EIF3E: variants seen among roughly 807,000 people sequenced by gnomAD.
The protein encoded by EIF3E is eukaryotic translation initiation factor 3 subunit E, also known as eIF-3 p48.
EIF3E carries 25 observed loss-of-function variants against 59.3 expected under a neutral mutation model. The ratio of observed to expected loss-of-function variants is 0.42; its 90% confidence interval spans 0.31 to 0.59. The LOEUF (loss-of-function observed/expected upper bound fraction) is 0.59. EIF3E is among the 20% of genes least tolerant of loss of function. EIF3E has a pLI of 0.15. For synonymous variants in EIF3E, 176 were observed against 170.2 expected (o/e 1.03, Z -0.26); for missense variants, 317 against 534.3 (o/e 0.59, Z 4.01).
intron 5 of EIF3E, among the ~76,000 whole-genome samples, chr8:108,230,481 A>G (rs1478216588): frequency 6.6e-6 from 1 of 152,136 alleles, no homozygotes; most frequent in Non-Finnish European, 1.5e-5. Context: ...ACGTAAATTT[A>G]TATTTATCTA....
chr8:108,222,339 C>CCA, intron 7 of EIF3E, among the ~76,000 whole-genome samples: 1 of 152,264 alleles, frequency 6.6e-6, no homozygotes, highest in East Asian at 1.9e-4. Flanking sequence ...GCTACCATGC[C>CCA]CAGCCAGACT....
At chr8:108,240,441 T>TTAATTTTC in intron 2 of EIF3E, among the ~76,000 whole-genome samples, 1 of 152,360 alleles carries the variant, frequency 6.6e-6, no homozygotes. Context: ...TTGTTCTCAT[T>TTAATTTTC]TAATTTTCTT....
intron 5 of EIF3E, chr8:108,231,752 T>C (rs1815625772): frequency 6.6e-6 from 1 of 152,110 alleles, no homozygotes; most frequent in South Asian, 2.1e-4. Context: ...TTTATTTCAA[T>C]TAACACATTT....
At chr8:108,228,475 G>C in intron 6 of EIF3E, 84 bp from the exon 7 acceptor site, 3 of 1,119,412 alleles carry the variant, frequency 2.7e-6, no homozygotes, top group Non-Finnish European at 3.5e-6. Context: ...CTTCAAAACT[G>C]TAATTAAAAA....
At chr8:108,208,660 G>C (rs1312599770) in intron 10 of EIF3E, among the ~76,000 whole-genome samples, 1 of 151,900 alleles carries the variant, frequency 6.6e-6, no homozygotes, top group East Asian at 1.9e-4. Flanking sequence ...AAAATATTAA[G>C]AACTAAAATA....
intron 10 of EIF3E, among the ~76,000 whole-genome samples, chr8:108,214,049 G>A (rs1271902454): frequency 6.6e-6 from 1 of 152,126 alleles, no homozygotes; most frequent in African/African-American, 2.4e-5. Flanking sequence ...ATTTCTAATA[G>A]GTTATGTACA....
intron 7 of EIF3E, among the ~76,000 whole-genome samples, chr8:108,221,329 C>T (rs1252633012): frequency 6.6e-6 from 1 of 152,122 alleles, no homozygotes; most frequent in Non-Finnish European, 1.5e-5. Flanking sequence ...TGATGCCTCA[C>T]TTTCATTAAT....
intron 4 of EIF3E, among the ~76,000 whole-genome samples, chr8:108,235,586 C>A (rs1465380318): frequency 6.6e-6 from 1 of 152,170 alleles, no homozygotes; most frequent in Non-Finnish European, 1.5e-5. Flanking sequence ...GAGTTGGGGA[C>A]TCCTTAAATA....
At chr8:108,236,653 C>A (rs1394642785) in intron 3 of EIF3E, among the ~76,000 whole-genome samples, 2 of 152,108 alleles carry the variant, frequency 1.3e-5, no homozygotes, top group Non-Finnish European at 2.9e-5. Flanking sequence ...AGAAACTAAT[C>A]CTATATATAA....
At chr8:108,221,660 G>GA (rs1563631442) in intron 7 of EIF3E, 1 of 152,120 alleles carries the variant, frequency 6.6e-6, no homozygotes, top group Non-Finnish European at 1.5e-5. Flanking sequence ...TGGGGCTTGA[G>GA]AAACACTGTC....
chr8:108,233,475 A>T (rs1240236114), intron 5 of EIF3E: 1 of 153,908 alleles, frequency 6.5e-6, no homozygotes, highest in African/African-American at 2.4e-5. Context: ...AAAAGAAACA[A>T]ACTCTTCCAA....
chr8:108,212,197 A>C (rs1390900986), intron 10 of EIF3E, among the ~76,000 whole-genome samples: 1 of 152,190 alleles, frequency 6.6e-6, no homozygotes. Flanking sequence ...ACTGTAAGAT[A>C]GGCACGGTGA....
chr8:108,211,748 C>T (rs75595462), intron 10 of EIF3E, among the ~76,000 whole-genome samples: 10 of 152,270 alleles, frequency 6.6e-5, no homozygotes, highest in East Asian at 3.9e-4. Context: ...GGCTGTGCTT[C>T]GGAATAACCA....
intron 10 of EIF3E, among the ~76,000 whole-genome samples, chr8:108,213,757 G>A (rs1815252843): frequency 6.6e-6 from 1 of 152,176 alleles, no homozygotes; most frequent in Admixed American, 6.5e-5. Context: ...CTACAGTAAA[G>A]TGCTAATAAA....
At chr8:108,207,613 T>C (rs559374510) in intron 10 of EIF3E, among the ~76,000 whole-genome samples, 1 of 152,344 alleles carries the variant, frequency 6.6e-6, no homozygotes, top group East Asian at 1.9e-4. Flanking sequence ...CTAGATTATT[T>C]AGATTACACT....
intron 4 of EIF3E, 61 bp from the exon 5 acceptor site, chr8:108,235,163 A>C: frequency 9.4e-7 from 1 of 1,063,696 alleles, no homozygotes; most frequent in Non-Finnish European, 1.3e-6. Flanking sequence ...CCCCATTGTA[A>C]TTCATAAGTC....
intron 10 of EIF3E, among the ~76,000 whole-genome samples, chr8:108,209,777 T>C (rs980820995): frequency 6.6e-6 from 1 of 152,082 alleles, no homozygotes; most frequent in African/African-American, 2.4e-5. Flanking sequence ...AATAAAAATA[T>C]AGGAATGGAG....
chr8:108,214,629 T>C lies in EIF3E; in HGVS notation c.1039A>G (p.Ile347Val). ...RLFIFETFCR[I>V]HQCISINMLA... Reference sequence around the variant, plus strand: ...TACTTAATGCTGATACACTGGTGGATGCGACAGAAAGTCTCAAATATGAAG... The same window carrying C: ...TACTTAATGCTGATACACTGGTGGACGCGACAGAAAGTCTCAAATATGAAG... The change falls in exon 10 of 13, where the codon ATC (isoleucine) becomes GTC (valine). Residue 347 changes from isoleucine to valine, a missense_variant. Physicochemically the swap from Ile to Val is conservative, Grantham distance 29. Coordinates refer to ENST00000220849, the MANE Select transcript of EIF3E (RefSeq NM_001568.3). 8.1e-6 allele frequency: 13 copies of C among 1,609,680 alleles called. No individual in the cohort carries two copies. The highest frequency in any genetic ancestry group is 1.1e-5 in the Non-Finnish European group (13 of 1,178,964).
At chr8:108,225,366 T>A (rs1383673375) in intron 7 of EIF3E, among the ~76,000 whole-genome samples, 1 of 151,536 alleles carries the variant, frequency 6.6e-6, no homozygotes, top group African/African-American at 2.5e-5. Flanking sequence ...TGTTCATGAA[T>A]GTGGTTTTTC....
Sources: gnomAD v4.1 joint callset for allele counts (sites outside exome capture counted in the v4.1 genomes callset) on GRCh38, gnomAD v4.1.1 for gene constraint, MANE v1.5 for transcripts, NCBI Gene and HGNC (gene_info 2026-07-23, HGNC 2026-07-21) for gene names.